The following PITPNB variants were observed in gnomAD, a reference collection of about 807,000 sequenced individuals.
PITPNB encodes phosphatidylinositol transfer protein beta, also known as phosphatidylinositol transfer protein beta isoform.
A neutral mutation model predicts 45.9 loss-of-function variants in PITPNB; 16 were observed. The observed-to-expected ratio is 0.35, with a 90% CI of 0.24 to 0.53. The LOEUF is 0.53. Ranked by LOEUF, PITPNB falls within the 20% of genes least tolerant of loss-of-function variation. PITPNB has a pLI of 0.93. For missense variants in PITPNB, 188 were observed against 330.5 expected (o/e 0.57, Z 3.34); for synonymous variants, 112 against 108.9 (o/e 1.03, Z -0.18).
chr22:27,859,736 A>G (rs1036101618), intron 9 of PITPNB, among the ~76,000 whole-genome samples: 7 of 152,196 alleles, frequency 4.6e-5, no homozygotes, highest in Non-Finnish European at 8.8e-5. Flanking sequence ...AGAGATATGG[A>G]GGGTAGGGGG....
chr22:27,864,806 C>T (rs552934577), intron 8 of PITPNB, among the ~76,000 whole-genome samples: 2 of 151,972 alleles, frequency 1.3e-5, no homozygotes, highest in South Asian at 2.1e-4. Context: ...GTCATGGTGG[C>T]GGGTGCCTAT....
Position 27,867,441 on chromosome 22 carries a change from C to G in PITPNB, c.534+6297G>C, listed in dbSNP as rs984375877. On this transcript the variant is annotated intron_variant, in intron 8 of 11. Transcript: ENST00000335272. ...GAGATTAAATGTGAGTTTAAAAAGA[C>G]TGAACTAATTGTAGGTTAATCTAAT... Among the ~76,000 whole-genome samples, 6 of 152,250 alleles carry G rather than the reference C, an allele frequency of 3.9e-5. No homozygotes were observed. In the East Asian group the frequency reaches 5.8e-4, roughly 15 times the overall value.
intron 3 of PITPNB, among the ~76,000 whole-genome samples, chr22:27,902,716 AT>A (rs1221132533): frequency 2.0e-5 from 3 of 152,056 alleles, no homozygotes; most frequent in African/African-American, 4.8e-5. Flanking sequence ...ATCATAAACT[AT>A]TTTTTTCTTT....
intron 7 of PITPNB, among the ~76,000 whole-genome samples, chr22:27,887,361 C>A (rs190948271): frequency 6.6e-6 from 1 of 152,312 alleles, no homozygotes; most frequent in African/African-American, 2.4e-5. Context: ...GAAAGGGGAT[C>A]ATTCCCTGTT....
At chr22:27,902,086 A>G (rs1313941791) in intron 3 of PITPNB, among the ~76,000 whole-genome samples, 1 of 152,078 alleles carries the variant, frequency 6.6e-6, no homozygotes, top group Non-Finnish European at 1.5e-5. Flanking sequence ...ACAAAATACA[A>G]AGAGAATTAC....
chr22:27,892,197 T>G (rs1323663424), intron 7 of PITPNB, among the ~76,000 whole-genome samples: 1 of 152,184 alleles, frequency 6.6e-6, no homozygotes, highest in East Asian at 1.9e-4. Context: ...ATGCATCCAG[T>G]GCCTCCTCTC....
chr22:27,896,621 T>C lies in PITPNB; in HGVS notation c.303A>G (p.Glu101=). ...YPYCRTIVTN[E]YMKDDFFIKI... ...TAATGAAGAAATCATCTTTCATATA[T>C]TCATTCTGCAGAAAACACAACAGGA... The change falls in exon 6 of 12, where the codon GAA becomes GAG. Residue 101 remains glutamate, a synonymous_variant. Transcript: ENST00000335272. 2 of 1,601,280 alleles carry C rather than the reference T, an allele frequency of 1.2e-6. No homozygotes were observed. Among genetic ancestry groups the C allele is most frequent in the Non-Finnish European group, 8.6e-7 (1 of 1,168,294 alleles).
intron 7 of PITPNB, among the ~76,000 whole-genome samples, chr22:27,888,492 T>C (rs563738017): frequency 6.6e-6 from 1 of 152,316 alleles, no homozygotes; most frequent in Non-Finnish European, 1.5e-5. Context: ...CAAAAGGACA[T>C]CAAATTGATT....
At chr22:27,897,004 T>C in intron 5 of PITPNB, 126 bp downstream of exon 5, 1 of 758,174 alleles carries the variant, frequency 1.3e-6, no homozygotes, top group South Asian at 1.5e-5. Flanking sequence ...TGGCGGCTGG[T>C]TGGTGGGACA....
chr22:27,871,906 G>A (rs548802998), intron 8 of PITPNB, among the ~76,000 whole-genome samples: 2 of 151,950 alleles, frequency 1.3e-5, no homozygotes, highest in Non-Finnish European at 2.9e-5. Context: ...GAGTTCACAC[G>A]AGATCTGGCT....
intron 8 of PITPNB, among the ~76,000 whole-genome samples, chr22:27,862,314 T>C (rs190032210): frequency 2.8e-4 from 43 of 152,330 alleles, no homozygotes; most frequent in African/African-American, 9.1e-4. Flanking sequence ...TTATCTACCA[T>C]GGCCCAGTTT....
At chr22:27,916,255 G>C (rs989996548) in intron 1 of PITPNB, among the ~76,000 whole-genome samples, 2 of 152,160 alleles carry the variant, frequency 1.3e-5, no homozygotes, top group African/African-American at 4.8e-5. Context: ...TTCAAGATTT[G>C]CTTAACAAGT....
chr22:27,859,556 G>A (rs1041090871), intron 9 of PITPNB, among the ~76,000 whole-genome samples: 1 of 152,080 alleles, frequency 6.6e-6, no homozygotes, highest in Non-Finnish European at 1.5e-5. Flanking sequence ...CCTCCTCCTA[G>A]ATCTAACTGC....
At chr22:27,915,811 G>C (rs1446553012) in intron 1 of PITPNB, among the ~76,000 whole-genome samples, 4 of 152,162 alleles carry the variant, frequency 2.6e-5, no homozygotes, top group Admixed American at 1.3e-4. Context: ...AAAGCTATAG[G>C]TTGGGAGCAG....
Position 27,860,249 on chromosome 22 carries a change from A to G in PITPNB, c.535-8T>C, listed in dbSNP as rs548841419. 1 of 1,540,706 alleles carries G rather than the reference A, an allele frequency of 6.5e-7. No homozygotes were observed. Among genetic ancestry groups the G allele is most frequent in the East Asian group, 2.2e-5 (1 of 44,460 alleles). ...GCTGTTTGCCAGCTCCTTCTAGATG[A>G]GAAAAATTGAAAAGGAGAAATTATG... On this transcript the variant is annotated splice_region_variant and splice_polypyrimidine_tract_variant and intron_variant, in intron 8 of 11. Transcript: ENST00000335272.
intron 9 of PITPNB, 94 bp downstream of exon 9, chr22:27,860,037 G>C (rs1934280191): frequency 1.4e-6 from 1 of 704,372 alleles, no homozygotes; most frequent in Non-Finnish European, 2.5e-6. Flanking sequence ...TATCATAAAG[G>C]AGGAAAAAAA....
intron 3 of PITPNB, among the ~76,000 whole-genome samples, chr22:27,907,369 C>T (rs1935794945): frequency 6.6e-6 from 1 of 152,198 alleles, no homozygotes; most frequent in Non-Finnish European, 1.5e-5. Flanking sequence ...ATATAGTTAT[C>T]CTGTGGCTGA....
At chr22:27,860,964 G>A (rs2146349570) in intron 8 of PITPNB, among the ~76,000 whole-genome samples, 1 of 147,710 alleles carries the variant, frequency 6.8e-6, no homozygotes, top group East Asian at 2.1e-4. Context: ...GAAGTGGGAG[G>A]ATCACCTGAG....
Position 27,910,592 on chromosome 22 carries a change from T to G in PITPNB, c.197+372A>C, listed in dbSNP as rs1601429498. The G allele has an allele frequency of 1.8e-5, 3 of 168,480 alleles. 1 individual carries two copies. In the South Asian group the frequency reaches 4.6e-4, roughly 26 times the overall value. The allele number at this position is 168,480 out of a possible 1,614,324, so 10.4% of individuals were successfully genotyped here. ...AAAGCAAACTGCAAAACCATTCATATGGTCCATTTGTTGTAGAAAACTAAA... is the reference window on the plus strand; with the variant it reads ...AAAGCAAACTGCAAAACCATTCATAGGGTCCATTTGTTGTAGAAAACTAAA... On this transcript the variant is annotated intron_variant, in intron 3 of 11. Coordinates refer to ENST00000335272, the MANE Select transcript of PITPNB (RefSeq NM_012399.5).
Sources: allele counts gnomAD v4.1 joint callset (sites outside exome capture counted in the v4.1 genomes callset), GRCh38; gene constraint gnomAD v4.1.1; transcripts MANE v1.5; gene names NCBI Gene and HGNC (gene_info 2026-07-23, HGNC 2026-07-21).